Variants in SBF2 observed in about 807,000 individuals in gnomAD.
SBF2 encodes the protein SET binding factor 2, also known as myotubularin-related protein 13.
In SBF2, 112 loss-of-function variants were observed where a neutral mutation model predicts 225.2. The ratio of observed to expected loss-of-function variants is 0.50; its 90% CI spans 0.43 to 0.58. The LOEUF (loss-of-function observed/expected upper bound fraction) is 0.58. Among genes scored for constraint, SBF2 ranks in the 20% least tolerant of loss-of-function variants. The probability of loss-of-function intolerance (pLI) is 0.00; values close to 1 mark genes in which losing one functional copy is unlikely to be tolerated. For missense variants in SBF2, 1,996 were observed against 2,206.2 expected, an observed-to-expected ratio of 0.90 and a Z score of 1.91; for synonymous variants, 763 against 773.3, an observed-to-expected ratio of 0.99 and a Z score of 0.22.
At chr11:10,220,353 G>A (rs559976540) in intron 1 of SBF2, among the ~76,000 whole-genome samples, 1 of 152,126 alleles carries the variant, frequency 6.6e-6, no homozygotes, top group African/African-American at 2.4e-5. Context: ...CGAGAATTAT[G>A]AGAGCTACAA....
intron 1 of SBF2, among the ~76,000 whole-genome samples, chr11:10,230,631 T>C (rs1321917594): frequency 6.6e-6 from 1 of 152,248 alleles, no homozygotes; most frequent in Non-Finnish European, 1.5e-5. Context: ...GAATGTTGAA[T>C]GTTGGCCCTC....
intron 1 of SBF2, among the ~76,000 whole-genome samples, chr11:10,219,433 G>A (rs2135402525): frequency 6.6e-6 from 1 of 152,240 alleles, no homozygotes; most frequent in African/African-American, 2.4e-5. Context: ...CTTCTCCTAG[G>A]CCTCTGGATC....
At position 9,963,497 on chromosome 11, in the gene SBF2, G is replaced by T. The variant is rs529882122; in HGVS notation, c.1710+276C>A. Among the ~76,000 whole-genome samples, 17 of 152,192 alleles carry T rather than the reference G, an allele frequency of 1.1e-4. No individual in the cohort carries two copies. In the South Asian group the frequency reaches 3.5e-3, roughly 32 times the overall value. On this transcript the variant is annotated intron_variant, in intron 15 of 39. Transcript: ENST00000256190. Reference sequence around the variant, plus strand: ...AAAAATAAAATGAAAAAAATTTTAAGTTTCTAAGTAATATCCCAAAATAGT... The same window carrying T: ...AAAAATAAAATGAAAAAAATTTTAATTTTCTAAGTAATATCCCAAAATAGT...
Position 10,078,433 on chromosome 11 carries a change from G to A in SBF2, c.142-35452C>T, listed in dbSNP as rs1590906824. 3.3e-5 allele frequency among the ~76,000 whole-genome samples: 5 copies of A among 152,272 alleles called. No homozygotes were observed. In the Middle Eastern group the frequency reaches 0.01, roughly 311 times the overall value. ...AGAAAATGTGGCACATATACACCAT[G>A]GAATACTATGCAGCCATAAAAAAGG... On this transcript the variant is annotated intron_variant, in intron 2 of 39. Transcript: ENST00000256190.
intron 1 of SBF2, among the ~76,000 whole-genome samples, chr11:10,215,014 G>A (rs914553583): frequency 2.6e-5 from 4 of 152,150 alleles, no homozygotes; most frequent in African/African-American, 9.7e-5. Context: ...AATCACAAAA[G>A]CTGGTACCAT....
At chr11:10,255,335 ATG>A (rs1234878363) in intron 1 of SBF2, among the ~76,000 whole-genome samples, 2 of 152,244 alleles carry the variant, frequency 1.3e-5, no homozygotes, top group African/African-American at 4.8e-5. Context: ...TATGTTGTAC[ATG>A]ATAAACACAC....
At chr11:10,211,013 T>TAAAAAAAAAA (rs1323314468) in intron 1 of SBF2, among the ~76,000 whole-genome samples, 1 of 986 alleles carries the variant, frequency 1.0e-3, no homozygotes, top group African/African-American at 1.5e-3. Flanking sequence ...GACTCTTGAC[T>TAAAAAAAAAA]CAAAAAAAAA....
chr11:9,936,200 G>T (rs569563651), intron 16 of SBF2, among the ~76,000 whole-genome samples: 1 of 152,154 alleles, frequency 6.6e-6, no homozygotes, highest in Non-Finnish European at 1.5e-5. Context: ...ACTTATGAAA[G>T]AATGCTCATC....
intron 2 of SBF2, among the ~76,000 whole-genome samples, chr11:10,097,863 C>A (rs968635488): frequency 2.0e-5 from 3 of 152,154 alleles, no homozygotes; most frequent in Non-Finnish European, 4.4e-5. Flanking sequence ...TTCCTGTCTT[C>A]TACAGCTCTG....
At chr11:9,827,118 G>A (rs1299009140) in intron 28 of SBF2, among the ~76,000 whole-genome samples, 3 of 152,162 alleles carry the variant, frequency 2.0e-5, no homozygotes, top group African/African-American at 4.8e-5. Context: ...GATTATAGGC[G>A]TGAGCCACCG....
At chr11:9,947,747 C>T (rs72855652) in intron 16 of SBF2, among the ~76,000 whole-genome samples, 16,990 of 151,900 alleles carry the variant, frequency 0.11, 1,060 homozygotes, top group Non-Finnish European at 0.13. Context: ...ATGTGATATC[C>T]GGTTCACATA....
chr11:9,830,758 A>C (rs1161565698), intron 27 of SBF2, among the ~76,000 whole-genome samples: 1 of 150,598 alleles, frequency 6.6e-6, no homozygotes, highest in Non-Finnish European at 1.5e-5. Context: ...AAAAAAAAAA[A>C]CAAAAACAAA....
At chr11:9,883,107 C>T (rs945371889) in intron 17 of SBF2, among the ~76,000 whole-genome samples, 3 of 152,070 alleles carry the variant, frequency 2.0e-5, no homozygotes, top group Admixed American at 6.6e-5. Context: ...GCACTCCAGT[C>T]TGGGCGACAG....
intron 2 of SBF2, among the ~76,000 whole-genome samples, chr11:10,098,717 A>ACACGAAAT (rs1952154336): frequency 6.7e-6 from 1 of 148,890 alleles, no homozygotes; most frequent in Non-Finnish European, 1.5e-5. Flanking sequence ...ACACACACAC[A>ACACGAAAT]CACGAAATTC....
intron 2 of SBF2, among the ~76,000 whole-genome samples, chr11:10,113,512 T>C (rs1043107795): frequency 6.6e-6 from 1 of 152,174 alleles, no homozygotes; most frequent in African/African-American, 2.4e-5. Flanking sequence ...AACATTAAGA[T>C]ATTACTATAT....
chr11:10,111,572 A>C (rs564736546), intron 2 of SBF2, among the ~76,000 whole-genome samples: 116 of 152,364 alleles, frequency 7.6e-4, no homozygotes, highest in African/African-American at 2.7e-3. Context: ...TTAAATACAA[A>C]TAAAGAACAA....
At chr11:10,035,854 G>A (rs369925819) in intron 3 of SBF2, among the ~76,000 whole-genome samples, 3 of 152,120 alleles carry the variant, frequency 2.0e-5, no homozygotes, top group Admixed American at 6.6e-5. Flanking sequence ...ACAGTGTGGC[G>A]ATTCCTTGAG....
At position 9,784,698 on chromosome 11, in the gene SBF2, G is replaced by GA. The variant is rs1255349537; in HGVS notation, c.5232-261dup. On this transcript the variant is annotated intron_variant, in intron 37 of 39. Transcript: ENST00000256190. ...CATGTTGGGACTGACATAACACAGA[G>GA]AGAGGGCAAAGCAGAGCCAGGAAGT... is the stretch of plus-strand genomic sequence containing the variant. 3.3e-5 allele frequency among the ~76,000 whole-genome samples: 5 copies of GA among 152,360 alleles called. No homozygotes were observed. The East Asian group carries it at 9.6e-4, about 29-fold the overall frequency.
intron 1 of SBF2, among the ~76,000 whole-genome samples, chr11:10,241,952 C>T (rs1356239085): frequency 6.6e-6 from 1 of 151,708 alleles, no homozygotes; most frequent in Non-Finnish European, 1.5e-5. Flanking sequence ...CAGGCCTGTC[C>T]ACCTACAGAC....
Sources: allele counts gnomAD v4.1 joint callset (sites outside exome capture counted in the v4.1 genomes callset), GRCh38; gene constraint gnomAD v4.1.1; transcripts MANE v1.5; gene names NCBI Gene and HGNC (gene_info 2026-07-23, HGNC 2026-07-21).